C12orf56: variants seen among roughly 807,000 people sequenced by gnomAD.
The protein encoded by C12orf56 is chromosome 12 open reading frame 56, also known as uncharacterized protein C12orf56.
Under a neutral mutation model 69.9 loss-of-function variants are expected in C12orf56, and 71 were observed. The ratio of observed to expected loss-of-function variants is 1.02; its 90% CI spans 0.84 to 1.24. The LOEUF (loss-of-function observed/expected upper bound fraction) is 1.24. Ranked by LOEUF, C12orf56 falls within the 50% of genes most tolerant of loss-of-function variation. The probability of loss-of-function intolerance (pLI) is 0.00; values close to 1 mark genes in which losing one functional copy is unlikely to be tolerated. For synonymous variants in C12orf56, 276 were observed against 274.1 expected (o/e 1.01, Z -0.07); for missense variants, 732 against 738.5 (o/e 0.99, Z 0.10).
chr12:64,371,554 G>C (rs2039570272), intron 1 of C12orf56, among the ~76,000 whole-genome samples: 1 of 151,972 alleles, frequency 6.6e-6, no homozygotes, highest in Non-Finnish European at 1.5e-5. Context: ...GGGGTGACCA[G>C]GTGTGGTGGT....
intron 6 of C12orf56, among the ~76,000 whole-genome samples, chr12:64,301,854 T>C (rs2038450024): frequency 1.3e-5 from 2 of 152,158 alleles, no homozygotes; most frequent in South Asian, 2.1e-4. Context: ...AGTGTGAGAA[T>C]GGACTAATAC....
intron 2 of C12orf56, among the ~76,000 whole-genome samples, chr12:64,347,081 T>C (rs1223990946): frequency 6.6e-6 from 1 of 151,868 alleles, no homozygotes; most frequent in Admixed American, 6.6e-5. Context: ...GTTCAAGTGA[T>C]TCTCCTGCCT....
At chr12:64,278,171 G>A (rs890684550) in intron 8 of C12orf56, among the ~76,000 whole-genome samples, 1 of 152,156 alleles carries the variant, frequency 6.6e-6, no homozygotes, top group Non-Finnish European at 1.5e-5. Context: ...AGATTCTGTG[G>A]TCAAAGGAGA....
At position 64,351,255 on chromosome 12, in the gene C12orf56, C is replaced by T. The variant is rs190551523; in HGVS notation, c.415+1639G>A. Among the ~76,000 whole-genome samples, 309 of 152,282 alleles carry T rather than the reference C, an allele frequency of 2.0e-3. 1 individual carries two copies. The highest frequency in any genetic ancestry group is 3.8e-3 in the Non-Finnish European group (261 of 68,008). ...TGTCACAAGACATCCTTTTCTCTCA[C>T]TTGTTAGAGGAGGACTCAATTCCAC... On this transcript the variant is annotated intron_variant, in intron 2 of 12. Coordinates refer to ENST00000543942, the MANE Select transcript of C12orf56 (RefSeq NM_001170633.2).
At chr12:64,305,418 G>A (rs1350435963) in intron 5 of C12orf56, among the ~76,000 whole-genome samples, 1 of 152,140 alleles carries the variant, frequency 6.6e-6, no homozygotes, top group African/African-American at 2.4e-5. Context: ...GTCTCACTCT[G>A]TCACCCAGGC....
rs1023352539 is a variant in C12orf56 at position 64,303,707 on chromosome 12, C to A, written c.1041G>T (p.Arg347Ser). 1 of 1,579,914 alleles carries A rather than the reference C, an allele frequency of 6.3e-7. No individual in the cohort carries two copies. Among genetic ancestry groups the A allele is most frequent in the African/African-American group, 1.3e-5 (1 of 74,352 alleles). ...ELFLKDNSLR[R>S]ILSLLMELKV... The stretch of plus-strand genomic sequence containing the variant: ...TAAGTTCCATAAGTAAAGAAAGTAT[C>A]CTCCTCAAAGAATTGTCTTTAAGAA... Residue 347 changes from arginine (R) to serine (S), a missense_variant, in exon 6 of 13, where the codon AGG becomes AGT. Transcript: ENST00000543942.
intron 11 of C12orf56, among the ~76,000 whole-genome samples, chr12:64,272,085 A>G (rs56784792): frequency 0.022 from 3,278 of 152,290 alleles, 110 homozygotes; most frequent in African/African-American, 0.075. Flanking sequence ...GCCAGAGTAC[A>G]GTGGCACATG....
chr12:64,358,229 G>T (rs1377791708), intron 1 of C12orf56, among the ~76,000 whole-genome samples: 1 of 152,078 alleles, frequency 6.6e-6, no homozygotes, highest in Non-Finnish European at 1.5e-5. Context: ...GGAGGCCGAG[G>T]TGGGCGGATC....
At chr12:64,313,265 A>AG in intron 4 of C12orf56, among the ~76,000 whole-genome samples, 1 of 118,950 alleles carries the variant, frequency 8.4e-6, no homozygotes, top group Non-Finnish European at 1.8e-5. Flanking sequence ...CTGTCTCAAA[A>AG]AAAAAAAAAA....
At position 64,320,201 on chromosome 12, in the gene C12orf56, C is replaced by G. The variant is rs550064653; in HGVS notation, c.489-1221G>C. On this transcript the variant is annotated intron_variant, in intron 3 of 12. Transcript: ENST00000543942. ...CCCACGGCTTCTAATAGAGCTATAA[C>G]ACTCACCACATAGCCCAAGATTCCA... 6.1e-4 allele frequency among the ~76,000 whole-genome samples: 93 copies of G among 152,340 alleles called. 1 individual carries two copies. The highest frequency in any genetic ancestry group is 2.1e-3 in the African/African-American group (89 of 41,578).
chr12:64,332,165 G>A (rs775935114), intron 2 of C12orf56, among the ~76,000 whole-genome samples: 2 of 151,760 alleles, frequency 1.3e-5, no homozygotes, highest in Non-Finnish European at 2.9e-5. Flanking sequence ...ATAGCTAGGC[G>A]CGGTAGGGTG....
At chr12:64,388,035 T>TC (rs1186887064) in intron 1 of C12orf56, among the ~76,000 whole-genome samples, 4 of 151,996 alleles carry the variant, frequency 2.6e-5, no homozygotes, top group African/African-American at 9.7e-5. Context: ...AACGGCGCCA[T>TC]CTCAGCTCAC....
chr12:64,331,218 C>T (rs552653180), intron 2 of C12orf56, among the ~76,000 whole-genome samples, 186 bp from the exon 3 acceptor site: 3 of 152,188 alleles, frequency 2.0e-5, no homozygotes, highest in Non-Finnish European at 2.9e-5. Flanking sequence ...AACATGTCCT[C>T]GGCCAAGCAC....
Position 64,349,832 on chromosome 12 carries a change from G to A in C12orf56, c.415+3062C>T, listed in dbSNP as rs547848152. On this transcript the variant is annotated intron_variant, in intron 2 of 12. Transcript: ENST00000543942. ...TAATGGGCTGGGAATGGTGGCTCAC[G>A]CCTGTAATCCTGACACTTTGGGAGG... 2.1e-4 allele frequency among the ~76,000 whole-genome samples: 32 copies of A among 152,272 alleles called. No individual in the cohort carries two copies. In the South Asian group the frequency reaches 3.3e-3, roughly 16 times the overall value.
chr12:64,374,726 T>G (rs1204053548), intron 1 of C12orf56, among the ~76,000 whole-genome samples: 1 of 151,756 alleles, frequency 6.6e-6, no homozygotes, highest in East Asian at 1.9e-4. Context: ...AAATTTTTAT[T>G]AGAGACAGGA....
intron 3 of C12orf56, among the ~76,000 whole-genome samples, chr12:64,320,907 C>A (rs532723437): frequency 6.6e-6 from 1 of 152,294 alleles, no homozygotes; most frequent in African/African-American, 2.4e-5. Context: ...TCTGTTTTAA[C>A]CCTATAAGAA....
chr12:64,305,993 T>C (rs11836616), intron 5 of C12orf56, among the ~76,000 whole-genome samples: 4,828 of 152,260 alleles, frequency 0.032, 259 homozygotes, highest in African/African-American at 0.11. Context: ...TTTGCTAAGA[T>C]CCGCAACAAA....
chr12:64,268,528 T>C (rs554865060), intron 12 of C12orf56, among the ~76,000 whole-genome samples: 6 of 152,074 alleles, frequency 3.9e-5, no homozygotes, highest in African/African-American at 9.7e-5. Context: ...GAAAGTAAAT[T>C]AGTGGTTTCC....
chr12:64,317,737 G>T (rs2038707818), intron 4 of C12orf56, among the ~76,000 whole-genome samples: 1 of 151,910 alleles, frequency 6.6e-6, no homozygotes, highest in Non-Finnish European at 1.5e-5. Flanking sequence ...TCCAGCCTGG[G>T]TGACAAGAGC....
Sources: gnomAD v4.1 joint callset for allele counts (sites outside exome capture counted in the v4.1 genomes callset) on GRCh38, gnomAD v4.1.1 for gene constraint, MANE v1.5 for transcripts, NCBI Gene and HGNC (gene_info 2026-07-23, HGNC 2026-07-21) for gene names.